Variants in PTGER3 observed in about 807,000 individuals in gnomAD.
PTGER3 encodes prostaglandin E receptor 3.
A neutral mutation model predicts 34.7 loss-of-function variants in PTGER3; 22 were observed. That is an observed-to-expected ratio of 0.63 (90% confidence interval 0.45 to 0.91). PTGER3 has a LOEUF of 0.91. Ranked by LOEUF, PTGER3 falls within the 40% of genes least tolerant of loss-of-function variation. The pLI, the probability that PTGER3 is intolerant of heterozygous loss-of-function variation, is 0.00. For synonymous variants in PTGER3, 241 were observed against 230.1 expected (o/e 1.05, Z -0.43); for missense variants, 468 against 519.4 (o/e 0.90, Z 0.96).
chr1:70,878,982 G>A (rs1011157988), intron 4 of PTGER3, among the ~76,000 whole-genome samples: 2 of 152,108 alleles, frequency 1.3e-5, no homozygotes, highest in Non-Finnish European at 2.9e-5. Context: ...TGTCTGTTCA[G>A]TCCATTTGGT....
chr1:70,993,365 G>T (rs1883461), intron 2 of PTGER3, among the ~76,000 whole-genome samples: 1 of 152,042 alleles, frequency 6.6e-6, no homozygotes, highest in African/African-American at 2.4e-5. Flanking sequence ...GAATATGTCT[G>T]TGCGATAGAG....
chr1:71,018,257 T>G (rs536597387), intron 1 of PTGER3, among the ~76,000 whole-genome samples: 2 of 131,982 alleles, frequency 1.5e-5, no homozygotes, highest in African/African-American at 5.1e-5. Flanking sequence ...GGAAGCTTCT[T>G]TAAATTTTTT....
intron 2 of PTGER3, chr1:71,005,965 A>C (rs1432344767): frequency 1.8e-6 from 1 of 543,350 alleles, no homozygotes; most frequent in Non-Finnish European, 2.3e-6. Context: ...TGGTCAGATG[A>C]GGGTAATTAG....
intron 4 of PTGER3, among the ~76,000 whole-genome samples, chr1:70,905,629 A>G (rs1389188177): frequency 2.0e-5 from 3 of 151,888 alleles, no homozygotes; most frequent in African/African-American, 7.3e-5. Flanking sequence ...TGTTTGGCCA[A>G]TTTGTTTCAT....
intron 4 of PTGER3, among the ~76,000 whole-genome samples, chr1:70,936,787 C>T (rs1264981500): frequency 1.3e-5 from 2 of 152,150 alleles, no homozygotes; most frequent in Admixed American, 1.3e-4. Flanking sequence ...TCAGGAAAGA[C>T]CTCACTCCCC....
intron 4 of PTGER3, among the ~76,000 whole-genome samples, chr1:70,929,171 G>A (rs1219579662): frequency 6.6e-6 from 1 of 152,086 alleles, no homozygotes; most frequent in African/African-American, 2.4e-5. Flanking sequence ...AAATAAAATA[G>A]CTCTAAAGAC....
intron 1 of PTGER3, among the ~76,000 whole-genome samples, chr1:71,014,721 C>A (rs748524884): frequency 6.6e-6 from 1 of 152,166 alleles, no homozygotes; most frequent in African/African-American, 2.4e-5. Context: ...TCTGGGGGCA[C>A]CTTGATCTTA....
chr1:70,862,413 C>T, intron 4 of PTGER3: 1 of 1,334,272 alleles, frequency 7.5e-7, no homozygotes, highest in Non-Finnish European at 1.0e-6. Flanking sequence ...ATGTGATAGG[C>T]AATAGAAATA....
At chr1:71,018,840 T>C (rs531885796) in intron 1 of PTGER3, among the ~76,000 whole-genome samples, 2 of 152,316 alleles carry the variant, frequency 1.3e-5, no homozygotes, top group South Asian at 4.1e-4. Context: ...TAGTACACTG[T>C]AATTTCCTAT....
rs556936215 is a variant in PTGER3 at position 70,991,185 on chromosome 1, T to C, written c.1078-16797A>G. ...AAAAACAAGACACTCTGCAAGGATA[T>C]ATACTCAGGGCTTGGCCCTACCCTC... On this transcript the variant is annotated intron_variant, in intron 2 of 3. Transcript: ENST00000306666. Among the ~76,000 whole-genome samples, 6 of 152,290 alleles carry C rather than the reference T, an allele frequency of 3.9e-5. No individual in the cohort carries two copies. In the South Asian group the frequency reaches 1.2e-3, roughly 32 times the overall value.
chr1:70,892,160 G>A (rs1299830262), intron 4 of PTGER3, among the ~76,000 whole-genome samples: 1 of 152,186 alleles, frequency 6.6e-6, no homozygotes, highest in African/African-American at 2.4e-5. Flanking sequence ...GGGAAAGAAA[G>A]CTTTGGAGGA....
chr1:70,855,045 C>G (rs1490467459), intron 4 of PTGER3, among the ~76,000 whole-genome samples: 2 of 152,126 alleles, frequency 1.3e-5, no homozygotes, highest in African/African-American at 4.8e-5. Flanking sequence ...CAGCATTATT[C>G]TCAATACCAA....
At chr1:70,957,727 C>A (rs1385574870) in intron 2 of PTGER3, among the ~76,000 whole-genome samples, 1 of 152,088 alleles carries the variant, frequency 6.6e-6, no homozygotes, top group African/African-American at 2.4e-5. Context: ...TTCTAGCTAT[C>A]TTGAATATGT....
At chr1:71,031,192 C>T (rs1325979039) in intron 1 of PTGER3, among the ~76,000 whole-genome samples, 2 of 151,390 alleles carry the variant, frequency 1.3e-5, no homozygotes, top group African/African-American at 2.4e-5. Context: ...CTTCAGTTTG[C>T]GCTCCACCAG....
chr1:70,949,294 G>A (rs1650516479), downstream of PTGER3, among the ~76,000 whole-genome samples: 2 of 152,102 alleles, frequency 1.3e-5, no homozygotes, highest in African/African-American at 4.8e-5. Flanking sequence ...GCTTTCTGAT[G>A]TTGAATGATA....
intron 1 of PTGER3, among the ~76,000 whole-genome samples, chr1:71,034,660 G>A (rs1017951984): frequency 9.9e-5 from 15 of 152,158 alleles, no homozygotes; most frequent in African/African-American, 2.9e-4. Flanking sequence ...AGCACCGAAG[G>A]GTGGAAGCAA....
intron 4 of PTGER3, among the ~76,000 whole-genome samples, chr1:70,861,780 A>G (rs7530738): frequency 0.19 from 28,787 of 151,896 alleles, 3,530 homozygotes; most frequent in Admixed American, 0.34. Flanking sequence ...TATCATTCAT[A>G]AAACTTACTT....
rs996232927 is a variant in PTGER3 at position 71,047,680 on chromosome 1, G to C, written c.-103C>G. On this transcript the variant is annotated 5_prime_UTR_variant, in exon 1 of 4. Transcript: ENST00000306666. ...GAGGTCGGCGTTTACCGCGGCTGGGGCTGGGCTGCCCCCCATGGTGCGGGG... is the reference window on the plus strand; with the variant it reads ...GAGGTCGGCGTTTACCGCGGCTGGGCCTGGGCTGCCCCCCATGGTGCGGGG... 2 of 1,348,804 alleles carry C rather than the reference G, an allele frequency of 1.5e-6. No individual in the cohort carries two copies. The highest frequency in any genetic ancestry group is 3.0e-5 in the African/African-American group (2 of 66,644). 83.6% of individuals were successfully genotyped at this position (1,348,804 alleles called of 1,614,324 possible).
At chr1:70,969,701 G>T (rs906831075), downstream of PTGER3, among the ~76,000 whole-genome samples, 3 of 152,240 alleles carry the variant, frequency 2.0e-5, no homozygotes, top group East Asian at 5.8e-4. Flanking sequence ...AAAAATTATC[G>T]TGAGGTCTTA....
Sources: gnomAD v4.1 joint callset for allele counts (sites outside exome capture counted in the v4.1 genomes callset) on GRCh38, gnomAD v4.1.1 for gene constraint, MANE v1.5 for transcripts, NCBI Gene and HGNC (gene_info 2026-07-23, HGNC 2026-07-21) for gene names.